The following NAT9 variants were observed in gnomAD, a reference collection of about 807,000 sequenced individuals.
NAT9 encodes the protein alpha/beta-tubulin-N-acetyltransferase 9.
In NAT9, 18 loss-of-function variants were observed where a neutral mutation model predicts 24.0. The ratio of observed to expected loss-of-function variants is 0.75; its 90% confidence interval spans 0.52 to 1.11. NAT9 has a LOEUF of 1.11. Among genes scored for constraint, NAT9 ranks in the 50% most tolerant of loss-of-function variants. NAT9 has a pLI of 0.00. For missense variants in NAT9, 254 were observed against 258.6 expected (o/e 0.98, Z 0.12); for synonymous variants, 104 against 102.3 (o/e 1.02, Z -0.10).
At chr17:74,773,242 A>G in intron 3 of NAT9, 1 of 643,874 alleles carries the variant, frequency 1.6e-6, no homozygotes, top group East Asian at 2.8e-5. Context: ...CAGCAACCAA[A>G]TTCTCAGAGA....
At chr17:74,773,528 C>A in intron 3 of NAT9, 48 bp downstream of exon 3, 1 of 1,496,146 alleles carries the variant, frequency 6.7e-7, no homozygotes, top group South Asian at 1.1e-5. Flanking sequence ...ACTGTGGAGT[C>A]AGCCCTCCCA....
At position 74,775,478 on chromosome 17, in the gene NAT9, G is replaced by A. The variant is rs571228940; in HGVS notation, c.77+144C>T. On this transcript the variant is annotated intron_variant, in intron 2 of 6. Coordinates refer to ENST00000357814, the MANE Select transcript of NAT9 (RefSeq NM_015654.5). Reference sequence around the variant, plus strand: ...TCCTGGAATTACAGGCGTGAGCCACGGCACCCAGCCTTTTTTCCCCCCTCA... The same window carrying A: ...TCCTGGAATTACAGGCGTGAGCCACAGCACCCAGCCTTTTTTCCCCCCTCA... 12 of 651,144 alleles carry A rather than the reference G, an allele frequency of 1.8e-5. No homozygotes were observed. The South Asian group carries it at 2.9e-4, about 16-fold the overall frequency. 40.3% of individuals were successfully genotyped at this position (651,144 alleles called of 1,614,324 possible). A position where few individuals can be genotyped will look rare whatever the true frequency, so the allele number is the denominator to read the frequency against.
At chr17:74,773,768 G>C (rs2035570373) in intron 2 of NAT9, 80 bp from the exon 3 acceptor site, 5 of 1,226,290 alleles carry the variant, frequency 4.1e-6, no homozygotes, top group African/African-American at 1.5e-5. Context: ...TCCAGAACCA[G>C]ACAGGGCTAA....
In NAT9 at chr17:74,771,655, CTCTGG is replaced by C; in HGVS notation, c.*64_*68del. ...CCAGGAGCACTCTCCCAGTGCAGGGCTCTGGTCTTTGAAGTGTATGGGCCCAACAC... is the reference window on the plus strand; with the variant it reads ...CCAGGAGCACTCTCCCAGTGCAGGGCTCTTTGAAGTGTATGGGCCCAACAC... On this transcript the variant is annotated 3_prime_UTR_variant, in exon 7 of 7. Transcript: ENST00000357814. The C allele has an allele frequency of 6.3e-7, 1 of 1,596,176 alleles. No homozygotes were observed. The highest frequency in any genetic ancestry group is 8.5e-7 in the Non-Finnish European group (1 of 1,171,498).
intron 3 of NAT9, 124 bp from the exon 4 acceptor site, chr17:74,773,163 G>A: frequency 8.1e-7 from 1 of 1,230,216 alleles, no homozygotes. Flanking sequence ...GAGAAGAGGG[G>A]GTCCCAGAGC....
chr17:74,774,792 C>T (rs370679511), intron 2 of NAT9, among the ~76,000 whole-genome samples: 5 of 152,240 alleles, frequency 3.3e-5, no homozygotes, highest in African/African-American at 4.8e-5. Flanking sequence ...GCTTGTGATC[C>T]GCCTGCCTCG....
In NAT9 at chr17:74,772,942, T is replaced by C. The variant is rs1225605411; in HGVS notation, c.288A>G (p.Thr96=). The C allele has an allele frequency of 1.2e-6, 2 of 1,614,096 alleles. No individual in the cohort carries two copies. The highest frequency in any genetic ancestry group is 1.7e-6 in the Non-Finnish European group (2 of 1,180,020). ...CMVGDVNLFL[T]DLEDLTLGEI... is the part of the protein sequence containing the mutation. ...CCCCCAAGGTGAGGTCTTCTAGATC[T>C]GTGAGGAAGAGGTTCACATCTCCCA... The change falls in exon 4 of 7, where the codon ACA becomes ACG. Residue 96 remains threonine, a synonymous_variant. Transcript: ENST00000357814.
intron 2 of NAT9, 73 bp downstream of exon 2, chr17:74,775,549 G>T: frequency 8.1e-7 from 1 of 1,229,474 alleles, no homozygotes; most frequent in Non-Finnish European, 1.2e-6. Context: ...AGGGGAAATA[G>T]CCCTGAGACT....
intron 4 of NAT9, 167 bp downstream of exon 4, chr17:74,772,729 C>T: frequency 8.4e-7 from 1 of 1,187,292 alleles, no homozygotes; most frequent in Admixed American, 2.7e-5. Flanking sequence ...GGGTGTACCA[C>T]CAGGCTGAGG....
At chr17:74,772,700 A>G in intron 4 of NAT9, 196 bp downstream of exon 4, 1 of 1,129,570 alleles carries the variant, frequency 8.9e-7, no homozygotes, top group East Asian at 2.6e-5. Context: ...AAGCATAAGG[A>G]CTAAAGTGAT....
rs2035449843 is a variant in NAT9 at position 74,773,013 on chromosome 17, C to T, written c.217G>A (p.Glu73Lys). Reference sequence around the variant, plus strand: ...GCGCCTGGCTGGGCCTGCCACTTCTCGGCATCCAGCACAATGAAGGTACAC... The same window carrying T: ...GCGCCTGGCTGGGCCTGCCACTTCTTGGCATCCAGCACAATGAAGGTACAC... ...DKCTFIVLDA[E>K]KWQAQPGATE... The change falls in exon 4 of 7, where the codon GAG becomes AAG. Residue 73 changes from glutamate to lysine, a missense_variant. Glu to Lys is a moderately conservative substitution (Grantham distance 56). Transcript: ENST00000357814. The T allele has an allele frequency of 3.1e-6, 5 of 1,613,920 alleles. No homozygotes were observed. The highest frequency in any genetic ancestry group is 3.4e-6 in the Non-Finnish European group (4 of 1,180,006).
At chr17:74,772,629 C>T (rs1442784588) in intron 4 of NAT9, 7 of 1,327,312 alleles carry the variant, frequency 5.3e-6, no homozygotes, top group Non-Finnish European at 5.9e-6. Context: ...CCCCAGCCCA[C>T]CCCAACTATG....
At chr17:74,772,822 TG>T in intron 4 of NAT9, 73 bp downstream of exon 4, 1 of 1,592,634 alleles carries the variant, frequency 6.3e-7, no homozygotes, top group South Asian at 1.1e-5. Flanking sequence ...GCCCACCCTT[TG>T]CAGCCTCGGC....
intron 2 of NAT9, chr17:74,775,402 TG>T: frequency 2.3e-6 from 1 of 441,978 alleles, no homozygotes; most frequent in Non-Finnish European, 4.0e-6. Flanking sequence ...TTACCCAAGC[TG>T]GTCTCGAACT....
chr17:74,772,291 C>CA lies in NAT9; in HGVS notation c.335-15dup, dbSNP rs1567837520. 1 of 1,613,686 alleles carries CA rather than the reference C, an allele frequency of 6.2e-7. No homozygotes were observed. The highest frequency in any genetic ancestry group is 2.2e-5 in the East Asian group (1 of 44,890). ...TGCAGCTGGGCTCTAGGAGAGACAA[C>CA]AGGAGCGGCGCTGACGCCGTGTGCC... On this transcript the variant is annotated splice_polypyrimidine_tract_variant and intron_variant, in intron 4 of 6. Coordinates refer to ENST00000357814, the MANE Select transcript of NAT9 (RefSeq NM_015654.5).
Position 74,772,936 on chromosome 17 carries a change from T to C in NAT9, c.294A>G (p.Leu98=), listed in dbSNP as rs373330551. 86 of 1,614,058 alleles carry C rather than the reference T, an allele frequency of 5.3e-5. No homozygotes were observed. The Middle Eastern group carries it at 1.3e-3, about 25-fold the overall frequency. ...CGATCTCCCCCAAGGTGAGGTCTTC[T>C]AGATCTGTGAGGAAGAGGTTCACAT... is the stretch of plus-strand genomic sequence containing the variant. ...VGDVNLFLTD[L]EDLTLGEIEV... Residue 98 remains leucine, a synonymous_variant, in exon 4 of 7, where the codon CTA becomes CTG. Coordinates refer to ENST00000357814, the MANE Select transcript of NAT9 (RefSeq NM_015654.5).
chr17:74,774,038 G>C (rs1410067225), intron 2 of NAT9: 3 of 215,354 alleles, frequency 1.4e-5, no homozygotes, highest in Non-Finnish European at 2.9e-5. Flanking sequence ...AGGGCACCAG[G>C]AACCCTCAAA....
chr17:74,773,559 G>T lies in NAT9; in HGVS notation c.190+17C>A, dbSNP rs776440950. 1.1e-5 allele frequency: 18 copies of T among 1,603,532 alleles called. No homozygotes were observed. The highest frequency in any genetic ancestry group is 6.6e-5 in the South Asian group (6 of 90,848). On this transcript the variant is annotated intron_variant, in intron 3 of 6. Transcript: ENST00000357814. The stretch of plus-strand genomic sequence containing the variant: ...TCCCAGTACCAGGGCTAGGGGAAGT[G>T]GGGGGGCACTCCTCACTGTCTGCAT...
In NAT9 at chr17:74,772,244, T is replaced by C. The variant is rs773877096; in HGVS notation, c.368A>G (p.Glu123Gly). The stretch of plus-strand genomic sequence containing the variant: ...GTAAGACAGCATCGCGAGAACGGCC[T>C]CAGTGCCAAGGCCCTTACCCCTGCA... ...PSCRGKGLGTEAVLAMLSYGV... is the reference protein window; with the variant it reads ...PSCRGKGLGTGAVLAMLSYGV... The change falls in exon 5 of 7, where the codon GAG (glutamate) becomes GGG (glycine). Residue 123 changes from glutamate to glycine, a missense_variant. Glu to Gly is a moderately conservative substitution (Grantham distance 98, BLOSUM62 -2). Coordinates refer to ENST00000357814, the MANE Select transcript of NAT9 (RefSeq NM_015654.5). The C allele has an allele frequency of 5.6e-6, 9 of 1,614,194 alleles. No individual in the cohort carries two copies. Among genetic ancestry groups the C allele is most frequent in the Non-Finnish European group, 7.6e-6 (9 of 1,180,038 alleles).
Sources: gnomAD v4.1 joint callset for allele counts (sites outside exome capture counted in the v4.1 genomes callset) on GRCh38, gnomAD v4.1.1 for gene constraint, MANE v1.5 for transcripts, NCBI Gene and HGNC (gene_info 2026-07-23, HGNC 2026-07-21) for gene names.